The following GGT1 variants were observed in gnomAD, a reference collection of about 807,000 sequenced individuals.
GGT1 encodes the protein gamma-glutamyltransferase 1.
In GGT1, 21 loss-of-function variants were observed where a neutral mutation model predicts 56.0. The ratio of observed to expected loss-of-function variants is 0.38; its 90% confidence interval spans 0.27 to 0.54. The LOEUF is 0.54. Ranked by LOEUF, GGT1 falls within the 20% of genes least tolerant of loss-of-function variation. The pLI, the probability that GGT1 is intolerant of heterozygous loss-of-function variation, is 0.82. For synonymous variants in GGT1, 238 were observed against 342.6 expected (o/e 0.69, Z 3.37); for missense variants, 466 against 787.0 (o/e 0.59, Z 4.88).
chr22:24,606,207 A>G (rs2147272831), intron 1 of GGT1, among the ~76,000 whole-genome samples: 1 of 147,824 alleles, frequency 6.8e-6, no homozygotes, highest in South Asian at 2.1e-4. Context: ...TTACATATGT[A>G]TACATGTGCC....
intron 11 of GGT1, among the ~76,000 whole-genome samples, chr22:24,625,420 C>A (rs928778733): frequency 1.4e-4 from 22 of 152,140 alleles, no homozygotes; most frequent in Admixed American, 2.6e-4. Flanking sequence ...ACCAGAGGCA[C>A]GTGCCACCAA....
At chr22:24,618,933 T>C (rs2047236418) in intron 7 of GGT1, among the ~76,000 whole-genome samples, 2 of 152,212 alleles carry the variant, frequency 1.3e-5, no homozygotes, top group South Asian at 2.1e-4. Context: ...CCCAGGGGTG[T>C]GTTTCCAATG....
At chr22:24,585,313 C>T in the GGT1 span, among the ~76,000 whole-genome samples, 1 of 152,230 alleles carries the variant, frequency 6.6e-6, no homozygotes, top group Non-Finnish European at 1.5e-5. Flanking sequence ...CGTGAGCTTG[C>T]TGTGGGGCTC....
chr22:24,622,181 C>T (rs2047458285), intron 9 of GGT1, among the ~76,000 whole-genome samples: 2 of 27,862 alleles, frequency 7.2e-5, no homozygotes, highest in African/African-American at 1.5e-4. Context: ...AGTGAGTCTA[C>T]AAAAAAAATA....
At chr22:24,614,437 G>A (rs1191232878) in intron 5 of GGT1, among the ~76,000 whole-genome samples, 4 of 146,722 alleles carry the variant, frequency 2.7e-5, no homozygotes, top group Non-Finnish European at 6.0e-5. Context: ...CCAACATGGT[G>A]AAACCCCGTC....
intron 2 of GGT1, among the ~76,000 whole-genome samples, 160 bp downstream of exon 2, chr22:24,608,183 AG>A (rs2046439789): frequency 6.6e-6 from 1 of 152,114 alleles, no homozygotes. Flanking sequence ...GTGAGTTTTT[AG>A]GGTGGAGGGA....
At position 24,628,111 on chromosome 22, in the gene GGT1, C is replaced by T. The variant is rs373656186; in HGVS notation, c.1367C>T (p.Thr456Met). 3.2e-5 allele frequency: 52 copies of T among 1,611,840 alleles called. No individual in the cohort carries two copies. The highest frequency in any genetic ancestry group is 5.0e-5 in the Admixed American group (3 of 59,998). The change falls in exon 14 of 16, where the codon ACG (threonine) becomes ATG (methionine). Residue 456 changes from threonine to methionine, a missense_variant. By Grantham distance (81) the Thr-to-Met change is moderately conservative. Around this residue, in one of 2 missense-constraint regions of GGT1, gnomAD observed 456 missense variants for 716.7 expected, o/e 0.64. Coordinates refer to ENST00000400382, the MANE Select transcript of GGT1 (RefSeq NM_001288833.2). The surrounding 1 kb of genome is among the most constrained non-coding windows in gnomAD (Gnocchi z 5.7). ...CAGCCGCTCTCGTCCATGTGCCCGA[C>T]GATCATGGTGGGCCAGGACGGCCAG... ...GKQPLSSMCP[T>M]IMVGQDGQVR...
intron 9 of GGT1, among the ~76,000 whole-genome samples, chr22:24,621,654 T>C (rs2047417565): frequency 6.6e-6 from 1 of 152,196 alleles, no homozygotes; most frequent in South Asian, 2.1e-4. Context: ...CCTGTCTGTC[T>C]GGAGCTGACT....
At chr22:24,588,923 C>T in the GGT1 span, 14 of 1,002,260 alleles carry the variant, frequency 1.4e-5, no homozygotes, top group Non-Finnish European at 1.7e-5. Context: ...GGGTGGAATC[C>T]GAGGTGCGCG....
intron 1 of GGT1, among the ~76,000 whole-genome samples, chr22:24,596,914 C>CAAAAA (rs78452000): frequency 6.3e-5 from 4 of 63,012 alleles, no homozygotes; most frequent in African/African-American, 1.2e-4. Context: ...GACTCTGTCT[C>CAAAAA]AAAAAAAAAA....
chr22:24,586,039 C>T, the GGT1 span: 2 of 1,611,288 alleles, frequency 1.2e-6, no homozygotes, highest in Non-Finnish European at 1.7e-6. Flanking sequence ...GGCTCAGCCG[C>T]CGGCGCAGGC....
the GGT1 span, chr22:24,585,944 G>T: frequency 6.2e-7 from 1 of 1,609,342 alleles, no homozygotes; most frequent in Non-Finnish European, 8.5e-7. Flanking sequence ...GGAGTCCCAG[G>T]TGGAGGCAGG....
chr22:24,590,587 T>TG (rs763373531), upstream of GGT1, among the ~76,000 whole-genome samples: 333 of 152,196 alleles, frequency 2.2e-3, no homozygotes, highest in Non-Finnish European at 3.5e-3. Flanking sequence ...CGTCTTATGG[T>TG]GGGGGGGTTT....
At chr22:24,622,983 A>C in intron 9 of GGT1, 124 bp from the exon 10 acceptor site, 2 of 1,095,030 alleles carry the variant, frequency 1.8e-6, no homozygotes, top group Non-Finnish European at 2.7e-6. Context: ...CCTGGTAGGT[A>C]CAGGCTTTTC....
chr22:24,602,979 G>C (rs2147204739), upstream of GGT1, among the ~76,000 whole-genome samples: 1 of 152,300 alleles, frequency 6.6e-6, no homozygotes, highest in Non-Finnish European at 1.5e-5. Context: ...CAGAGTTCAG[G>C]TCTCTCATTC....
rs58197100 is a variant in GGT1, at chr22:24,627,339, C to T, written c.1021-93C>T. The stretch of plus-strand genomic sequence containing the variant: ...GAAGGTTGTGGGTGCCAGAGGGTTG[C>T]GGTCAGAGTCACAGTCAAGGGCCTT... On this transcript the variant is annotated intron_variant, in intron 11 of 15. Coordinates refer to ENST00000400382, the MANE Select transcript of GGT1 (RefSeq NM_001288833.2). 24,775 of 1,383,488 alleles carry T rather than the reference C, an allele frequency of 0.018. 450 individuals are homozygous for T. Among genetic ancestry groups the T allele is most frequent in the Admixed American group, 0.067 (2,918 of 43,578 alleles). The allele number at this position is 1,383,488 out of a possible 1,614,324, so 85.7% of individuals were successfully genotyped here.
intron 4 of GGT1, among the ~76,000 whole-genome samples, 183 bp downstream of exon 4, chr22:24,610,714 T>C (rs2046597044): frequency 7.1e-6 from 1 of 141,708 alleles, no homozygotes; most frequent in Non-Finnish European, 1.6e-5. Context: ...CTGGAGCTTC[T>C]CCCTAAGCAG....
upstream of GGT1, among the ~76,000 whole-genome samples, chr22:24,593,498 A>G (rs1329353278): frequency 1.3e-5 from 2 of 152,178 alleles, no homozygotes. Context: ...ACTAAAATAC[A>G]AAAATTAGGC....
intron 5 of GGT1, among the ~76,000 whole-genome samples, chr22:24,614,029 G>A (rs1055007555): frequency 6.6e-6 from 1 of 151,898 alleles, no homozygotes; most frequent in African/African-American, 2.4e-5. Flanking sequence ...CATCCTGGGT[G>A]ACAAAGTGAG....
Sources: allele counts gnomAD v4.1 joint callset (sites outside exome capture counted in the v4.1 genomes callset), GRCh38; gene constraint gnomAD v4.1.1; regional missense constraint gnomAD v4.1.1; non-coding constraint Gnocchi (gnomAD v3.1); transcripts MANE v1.5; gene names NCBI Gene and HGNC (gene_info 2026-07-23, HGNC 2026-07-21).